TXNDC5: variants seen among roughly 807,000 people sequenced by gnomAD.
TXNDC5 encodes the protein thioredoxin domain containing 5.
TXNDC5 carries 44 observed loss-of-function variants against 52.6 expected under a neutral mutation model. That is an observed-to-expected ratio of 0.84 (90% CI 0.66 to 1.08). The LOEUF is 1.08. Ranked by LOEUF, TXNDC5 falls within the 50% of genes least tolerant of loss-of-function variation. TXNDC5 has a pLI of 0.00. For missense variants in TXNDC5, 600 were observed against 565.5 expected (o/e 1.06, Z -0.62); for synonymous variants, 241 against 234.4 (o/e 1.03, Z -0.26).
At chr6:7,887,419 C>G (rs9505302) in intron 7 of TXNDC5, among the ~76,000 whole-genome samples, 1 of 151,194 alleles carries the variant, frequency 6.6e-6, no homozygotes, top group African/African-American at 2.4e-5. Flanking sequence ...TCCCTTTCCT[C>G]GAGCTCTGGC....
intron 1 of TXNDC5, among the ~76,000 whole-genome samples, chr6:7,909,038 C>G (rs1002196484): frequency 6.6e-6 from 1 of 152,134 alleles, no homozygotes; most frequent in Non-Finnish European, 1.5e-5. Flanking sequence ...AAATTCGAGT[C>G]AGTTGGTTCT....
intron 7 of TXNDC5, among the ~76,000 whole-genome samples, chr6:7,887,827 C>T (rs1179389639): frequency 1.3e-5 from 2 of 152,210 alleles, no homozygotes; most frequent in African/African-American, 2.4e-5. Flanking sequence ...CCAGCTCTGG[C>T]CCTGCAGAAA....
In TXNDC5 at chr6:7,899,691, T is replaced by A. The variant is rs529337884; in HGVS notation, c.414-10A>T. 2.5e-4 allele frequency: 401 copies of A among 1,610,862 alleles called. 6 individuals carry two copies. The South Asian group carries it at 4.2e-3, about 17-fold the overall frequency. On this transcript the variant is annotated splice_polypyrimidine_tract_variant and intron_variant, in intron 2 of 9. Transcript: ENST00000379757. Reference sequence around the variant, plus strand: ...CTTGAAAAGCTTTAAGCTGAAAGAATAACAAAGGATTAGACAGAGCAAAAA... The same window carrying A: ...CTTGAAAAGCTTTAAGCTGAAAGAAAAACAAAGGATTAGACAGAGCAAAAA...
At chr6:7,895,328 T>TG (rs1561810869) in intron 3 of TXNDC5, 126 bp from the exon 4 acceptor site, 4 of 777,516 alleles carry the variant, frequency 5.1e-6, no homozygotes, top group Non-Finnish European at 8.3e-6. Context: ...CTGGAACCCT[T>TG]GTACGATGCT....
Position 7,889,515 on chromosome 6 carries a change from A to T in TXNDC5, c.799T>A (p.Trp267Arg). ...CGTACCTTTTTCCCATCTCGGAACC[A>T]GAGAAGAGTGGGATAGCCACGAACC... ...NQVRGYPTLL[W>R]FRDGKKVDQY... Residue 267 changes from tryptophan (W) to arginine (R), a missense_variant, in exon 6 of 10, where the codon TGG (tryptophan) becomes AGG (arginine). Trp to Arg is a moderately radical substitution (Grantham distance 101). Transcript: ENST00000379757. 1 of 1,613,662 alleles carries T rather than the reference A, an allele frequency of 6.2e-7. No individual in the cohort carries two copies. Among genetic ancestry groups the T allele is most frequent in the Admixed American group, 1.7e-5 (1 of 60,020 alleles).
At chr6:7,883,292 G>GCAAAC in intron 9 of TXNDC5, 26 bp from the exon 10 acceptor site, 1 of 1,613,648 alleles carries the variant, frequency 6.2e-7, no homozygotes, top group Non-Finnish European at 8.5e-7. Context: ...AAAAAAGTTT[G>GCAAAC]CAAACCAGCG....
At chr6:7,896,262 A>C (rs921271182) in intron 3 of TXNDC5, among the ~76,000 whole-genome samples, 7 of 152,216 alleles carry the variant, frequency 4.6e-5, no homozygotes, top group African/African-American at 1.7e-4. Context: ...AGTCTCATAC[A>C]GAAAGAGGGG....
In TXNDC5 at chr6:7,883,206, C is replaced by T. The variant is rs1463448510; in HGVS notation, c.1237G>A (p.Gly413Arg). Residue 413 changes from glycine (G) to arginine (R), a missense_variant, in exon 10 of 10, where the codon GGA becomes AGA. Gly to Arg is a moderately radical substitution (Grantham distance 125). Coordinates refer to ENST00000379757, the MANE Select transcript of TXNDC5 (RefSeq NM_030810.5). ...TGTAACGAGTCAAGGTCTCTGCCTC[C>T]ACTGTGCTCACTGACTTTCTTCCCT... is the stretch of plus-strand genomic sequence containing the variant. ...RGGKKVSEHS[G>R]GRDLDSLHRF... 3 of 1,614,198 alleles carry T rather than the reference C, an allele frequency of 1.9e-6. No homozygotes were observed. Among genetic ancestry groups the T allele is most frequent in the South Asian group, 2.2e-5 (2 of 91,088 alleles).
In TXNDC5 at chr6:7,890,553, ATAAT is replaced by A. The variant is rs1208908808; in HGVS notation, c.733-976_733-973del. Among the ~76,000 whole-genome samples the A allele has an allele frequency of 1.4e-4, 21 of 152,218 alleles. No homozygotes were observed. In the South Asian group the frequency reaches 3.5e-3, roughly 26 times the overall value. ...AGAATCTCCCATAAAATTTCATACA[ATAAT>A]TAAGTAAGGATACAAGGAATGGGGT... On this transcript the variant is annotated intron_variant, in intron 5 of 9. Coordinates refer to ENST00000379757, the MANE Select transcript of TXNDC5 (RefSeq NM_030810.5).
chr6:7,886,429 A>C (rs1286765892), intron 7 of TXNDC5, among the ~76,000 whole-genome samples: 1 of 152,172 alleles, frequency 6.6e-6, no homozygotes, highest in Non-Finnish European at 1.5e-5. Context: ...TGCACCTCTA[A>C]GCCTGGAGTC....
chr6:7,889,948 G>C (rs2113332236), intron 5 of TXNDC5, among the ~76,000 whole-genome samples: 1 of 152,310 alleles, frequency 6.6e-6, no homozygotes, highest in Non-Finnish European at 1.5e-5. Flanking sequence ...CTGGCTGTCG[G>C]TGACTGGGAC....
At chr6:7,895,328 T>G (rs962582961) in intron 3 of TXNDC5, 126 bp from the exon 4 acceptor site, 2 of 777,398 alleles carry the variant, frequency 2.6e-6, no homozygotes, top group African/African-American at 3.5e-5. Context: ...CTGGAACCCT[T>G]GTACGATGCT....
intron 3 of TXNDC5, among the ~76,000 whole-genome samples, chr6:7,897,471 T>TA (rs1195740605): frequency 6.6e-6 from 1 of 152,226 alleles, no homozygotes; most frequent in Non-Finnish European, 1.5e-5. Flanking sequence ...TGTATATACT[T>TA]AAACTTTTCC....
At chr6:7,885,900 A>G in intron 8 of TXNDC5, 61 bp downstream of exon 8, 1 of 1,533,734 alleles carries the variant, frequency 6.5e-7, no homozygotes, top group South Asian at 1.2e-5. Context: ...AGATGAGCTG[A>G]AAAACATGAT....
At chr6:7,893,675 C>T (rs894805984) in intron 4 of TXNDC5, among the ~76,000 whole-genome samples, 6 of 152,166 alleles carry the variant, frequency 3.9e-5, no homozygotes, top group Non-Finnish European at 7.4e-5. Context: ...GCCGTCAGGG[C>T]GCTGGTATGG....
chr6:7,892,202 GC>G (rs1476524045), intron 4 of TXNDC5, among the ~76,000 whole-genome samples: 3 of 152,170 alleles, frequency 2.0e-5, no homozygotes, highest in African/African-American at 7.2e-5. Context: ...GACGTTCTGT[GC>G]CCCCACCAGC....
intron 7 of TXNDC5, 66 bp from the exon 8 acceptor site, chr6:7,886,109 G>T: frequency 1.4e-6 from 2 of 1,401,394 alleles, no homozygotes; most frequent in South Asian, 1.2e-5. Context: ...CATGCTTTGG[G>T]ATTGCAGATA....
At chr6:7,910,087 G>T (rs984588022) in intron 1 of TXNDC5, 6 of 986,140 alleles carry the variant, frequency 6.1e-6, no homozygotes, top group Non-Finnish European at 6.0e-6. Context: ...TCAGGAGCGC[G>T]GCGCAGGGCG....
Position 7,910,516 on chromosome 6 carries a change from G to A in TXNDC5, c.261C>T (p.Pro87=). ...SAAHFVMFFA[P]WCGHCQRLQP... ...GGCGCCGGCCTGCGCGGCGTTACCAGGGCGCGAAGAACATGACGAAGTGCG... is the reference window on the plus strand; with the variant it reads ...GGCGCCGGCCTGCGCGGCGTTACCAAGGCGCGAAGAACATGACGAAGTGCG... Residue 87 remains proline (P), a splice_region_variant and synonymous_variant, in exon 1 of 10, where the codon CCC becomes CCT. Transcript: ENST00000379757. 6 of 1,440,092 alleles carry A rather than the reference G, an allele frequency of 4.2e-6. No homozygotes were observed. Among genetic ancestry groups the A allele is most frequent in the Non-Finnish European group, 5.5e-6 (6 of 1,085,206 alleles). The allele number at this position is 1,440,092 out of a possible 1,614,324, so 89.2% of individuals were successfully genotyped here.
Sources: allele counts gnomAD v4.1 joint callset (sites outside exome capture counted in the v4.1 genomes callset), GRCh38; gene constraint gnomAD v4.1.1; transcripts MANE v1.5; gene names NCBI Gene and HGNC (gene_info 2026-07-23, HGNC 2026-07-21).